Variants in PDGFRA observed in about 807,000 individuals in gnomAD.
PDGFRA encodes platelet derived growth factor receptor alpha.
Under a neutral mutation model 121.5 loss-of-function variants are expected in PDGFRA, and 25 were observed. The ratio of observed to expected loss-of-function variants is 0.21; its 90% CI spans 0.15 to 0.29. The LOEUF (loss-of-function observed/expected upper bound fraction) is 0.29, where lower values mean the gene tolerates loss of function less well. Among genes scored for constraint, PDGFRA ranks in the 10% least tolerant of loss-of-function variants. The pLI, the probability that PDGFRA is intolerant of heterozygous loss-of-function variation, is 1.00. For synonymous variants in PDGFRA, 463 were observed against 494.8 expected (o/e 0.94, Z 0.85); for missense variants, 1,008 against 1,345.1 (o/e 0.75, Z 3.92).
chr4:54,283,472 T>C (rs1283390628), intron 16 of PDGFRA, among the ~76,000 whole-genome samples: 1 of 152,212 alleles, frequency 6.6e-6, no homozygotes, highest in Non-Finnish European at 1.5e-5. Flanking sequence ...CAGGGAGCAG[T>C]GTCTCGAGGC....
chr4:54,277,945 A>G lies in PDGFRA; in HGVS notation c.1941A>G (p.Ile647Met). The change falls in exon 14 of 23, where the codon ATA (isoleucine) becomes ATG (methionine). Residue 647 changes from isoleucine to methionine, a missense_variant. Physicochemically the swap from Ile to Met is conservative, Grantham distance 10 (BLOSUM62 1). Transcript: ENST00000257290. ...EKQALMSELK[I>M]MTHLGPHLNI... ...AAGCTCTCATGTCTGAACTGAAGAT[A>G]ATGACTCACCTGGGGCCACATTTGA... 6.2e-7 allele frequency: 1 copy of G among 1,613,984 alleles called. No individual in the cohort carries two copies. Among genetic ancestry groups the G allele is most frequent in the Non-Finnish European group, 8.5e-7 (1 of 1,179,850 alleles).
In PDGFRA at chr4:54,261,431, C is replaced by T. The variant is rs772639321; in HGVS notation, c.367+19C>T. On this transcript the variant is annotated intron_variant, in intron 3 of 22. Transcript: ENST00000257290. The stretch of plus-strand genomic sequence containing the variant: ...GTGCCAGGTGAGTTGGCTGGGTCTC[C>T]AGGACCAAGCTTCTTCTCTTCCTGT... The T allele has an allele frequency of 6.4e-7, 1 of 1,566,670 alleles. No homozygotes were observed. Among genetic ancestry groups the T allele is most frequent in the Non-Finnish European group, 8.8e-7 (1 of 1,137,126 alleles).
At position 54,288,692 on chromosome 4, in the gene PDGFRA, A is replaced by G. The variant is rs112648224; in HGVS notation, c.2675-107A>G. On this transcript the variant is annotated intron_variant, in intron 19 of 22. Transcript: ENST00000257290. ...ATTTTCTTGAAAAAACCAGTGCTTC[A>G]AGGCTATAGGATCTGAAAGGTTTTC... is the stretch of plus-strand genomic sequence containing the variant. The G allele has an allele frequency of 8.0e-5, 62 of 777,192 alleles. No homozygotes were observed. The African/African-American group carries it at 8.8e-4, about 11-fold the overall frequency. The allele number at this position is 777,192 out of a possible 1,614,324, so 48.1% of individuals were successfully genotyped here.
rs1354007102 is a variant in PDGFRA at position 54,261,298 on chromosome 4, T to A, written c.253T>A (p.Leu85Met). 5.0e-6 allele frequency: 8 copies of A among 1,613,972 alleles called. No homozygotes were observed. The highest frequency in any genetic ancestry group is 6.8e-6 in the Non-Finnish European group (8 of 1,180,030). ...CAACAGCGGCCTTTTTGTGACGGTC[T>A]TGGAAGTGAGCAGTGCCTCGGCGGC... is the stretch of plus-strand genomic sequence containing the variant. Reference protein sequence around the residue: ...ENNSGLFVTVLEVSSASAAHT... With the variant: ...ENNSGLFVTVMEVSSASAAHT... The change falls in exon 3 of 23, where the codon TTG becomes ATG. Residue 85 changes from leucine to methionine, a missense_variant. Physicochemically the swap from Leu to Met is conservative, Grantham distance 15. Coordinates refer to ENST00000257290, the MANE Select transcript of PDGFRA (RefSeq NM_006206.6).
At chr4:54,278,305 A>G (rs778761485) in intron 14 of PDGFRA, 57 bp from the exon 15 acceptor site, 10 of 1,452,240 alleles carry the variant, frequency 6.9e-6, no homozygotes, top group East Asian at 4.6e-5. Context: ...AGGACAATTC[A>G]TGGCTTTTCT....
intron 1 of PDGFRA, among the ~76,000 whole-genome samples, chr4:54,252,023 A>G (rs543281454): frequency 2.0e-5 from 3 of 152,366 alleles, no homozygotes; most frequent in South Asian, 4.1e-4. Context: ...TTCAAAAACT[A>G]TGATACACCA....
At chr4:54,274,278 A>G (rs1314596435) in intron 10 of PDGFRA, among the ~76,000 whole-genome samples, 1 of 152,188 alleles carries the variant, frequency 6.6e-6, no homozygotes, top group African/African-American at 2.4e-5. Context: ...TGTTGGAGCA[A>G]CTTTGGAGAA....
At chr4:54,278,204 G>A (rs1167603877) in intron 14 of PDGFRA, 158 bp from the exon 15 acceptor site, 1 of 704,144 alleles carries the variant, frequency 1.4e-6, no homozygotes, top group Non-Finnish European at 2.3e-6. Flanking sequence ...TCCAGTCATA[G>A]CCATTCATGG....
intron 7 of PDGFRA, among the ~76,000 whole-genome samples, chr4:54,269,809 ATT>A (rs33917035): frequency 1.9e-4 from 27 of 144,592 alleles, no homozygotes; most frequent in Admixed American, 4.8e-4. Flanking sequence ...TGCCTGGCTA[ATT>A]TTTTTTTTTT....
intron 1 of PDGFRA, among the ~76,000 whole-genome samples, chr4:54,253,191 CTTAG>C (rs1448713371): frequency 2.0e-5 from 3 of 152,188 alleles, no homozygotes; most frequent in Admixed American, 6.5e-5. Flanking sequence ...CCCTCACTTT[CTTAG>C]TTAAAGAGAA....
intron 1 of PDGFRA, among the ~76,000 whole-genome samples, chr4:54,236,331 T>C (rs1382017229): frequency 6.6e-6 from 1 of 152,190 alleles, no homozygotes; most frequent in Non-Finnish European, 1.5e-5. Flanking sequence ...AGGATGAGCA[T>C]TTAGAGTAGA....
At chr4:54,250,111 T>C (rs1721966668) in intron 1 of PDGFRA, among the ~76,000 whole-genome samples, 1 of 152,210 alleles carries the variant, frequency 6.6e-6, no homozygotes, top group South Asian at 2.1e-4. Context: ...AAGATTTTTA[T>C]TTGCTTTTTA....
chr4:54,263,192 A>G (rs1372156774), intron 3 of PDGFRA, among the ~76,000 whole-genome samples: 1 of 152,220 alleles, frequency 6.6e-6, no homozygotes, highest in Non-Finnish European at 1.5e-5. Flanking sequence ...ATAAAACTCG[A>G]AATATTTTTT....
At chr4:54,238,496 T>C (rs1040062657) in intron 1 of PDGFRA, among the ~76,000 whole-genome samples, 2 of 152,314 alleles carry the variant, frequency 1.3e-5, no homozygotes, top group African/African-American at 2.4e-5. Flanking sequence ...CTCCATTGTA[T>C]GAGTTAGCAT....
chr4:54,280,770 A>T lies in PDGFRA; in HGVS notation c.2323+288A>T, dbSNP rs182892903. 3.8e-3 allele frequency: 800 copies of T among 209,192 alleles called. 4 individuals are homozygous for T. The highest frequency in any genetic ancestry group is 0.019 in the Middle Eastern group (10 of 516). The allele number at this position is 209,192 out of a possible 1,614,324, so 13.0% of individuals were successfully genotyped here. ...GCAGTAAACATTTTTTAAAAAAAAT[A>T]ATTATTTATTCTGATATAATGAACT... On this transcript the variant is annotated intron_variant, in intron 16 of 22. Coordinates refer to ENST00000257290, the MANE Select transcript of PDGFRA (RefSeq NM_006206.6).
At chr4:54,249,667 G>A (rs1239820846) in intron 1 of PDGFRA, among the ~76,000 whole-genome samples, 2 of 152,076 alleles carry the variant, frequency 1.3e-5, no homozygotes, top group Admixed American at 1.3e-4. Flanking sequence ...GATACCTTTA[G>A]GAGATATACC....
intron 1 of PDGFRA, among the ~76,000 whole-genome samples, chr4:54,236,906 T>C (rs552783122): frequency 8.5e-5 from 13 of 152,224 alleles, no homozygotes; most frequent in Non-Finnish European, 1.8e-4. Flanking sequence ...GTTTGGAATC[T>C]TAAGCAACAA....
chr4:54,242,554 C>T (rs1479403731), intron 1 of PDGFRA, among the ~76,000 whole-genome samples: 2 of 151,736 alleles, frequency 1.3e-5, no homozygotes, highest in African/African-American at 2.4e-5. Context: ...TATATATATA[C>T]ACACACATAT....
chr4:54,271,671 C>T (rs2110282850), intron 8 of PDGFRA, among the ~76,000 whole-genome samples: 1 of 147,542 alleles, frequency 6.8e-6, no homozygotes, highest in Middle Eastern at 3.5e-3. Context: ...TTCCTTGCTT[C>T]CTTCTTCCCT....
Sources: gnomAD v4.1 joint callset for allele counts (sites outside exome capture counted in the v4.1 genomes callset) on GRCh38, gnomAD v4.1.1 for gene constraint, MANE v1.5 for transcripts, NCBI Gene and HGNC (gene_info 2026-07-23, HGNC 2026-07-21) for gene names.